TMEM43: variants seen among roughly 807,000 people sequenced by gnomAD.
TMEM43 encodes transmembrane protein 43, also known as arrhythmogenic right ventricular dysplasia 5.
In TMEM43, 45 loss-of-function variants were observed where a neutral mutation model predicts 49.6. The ratio of observed to expected loss-of-function variants is 0.91; its 90% CI spans 0.71 to 1.16. The LOEUF (loss-of-function observed/expected upper bound fraction) is 1.16. Ranked by LOEUF, TMEM43 falls within the 50% of genes most tolerant of loss-of-function variation. The pLI, the probability that TMEM43 is intolerant of heterozygous loss-of-function variation, is 0.00. For synonymous variants in TMEM43, 199 were observed against 207.8 expected (o/e 0.96, Z 0.36); for missense variants, 532 against 516.6 (o/e 1.03, Z -0.29).
intron 11 of TMEM43, among the ~76,000 whole-genome samples, chr3:14,141,236 T>TTGTA (rs928790426): frequency 2.0e-5 from 3 of 152,336 alleles, no homozygotes. Flanking sequence ...CCACAGCCTC[T>TTGTA]TGTATGAGTG....
At chr3:14,134,986 C>G in intron 8 of TMEM43, 95 bp downstream of exon 8, 1 of 1,583,740 alleles carries the variant, frequency 6.3e-7, no homozygotes. Flanking sequence ...GCATGCACAG[C>G]TGCACTTGGC....
At chr3:14,137,051 G>A in intron 10 of TMEM43, 1 of 149,856 alleles carries the variant, frequency 6.7e-6, no homozygotes, top group Non-Finnish European at 1.5e-5. Flanking sequence ...AAGGGTCAAG[G>A]CAGCAGACAG....
intron 1 of TMEM43, among the ~76,000 whole-genome samples, chr3:14,127,859 A>G (rs1695039577): frequency 6.6e-6 from 1 of 152,172 alleles, no homozygotes; most frequent in Admixed American, 6.5e-5. Context: ...AGAGATTCTG[A>G]GTCAAATCAC....
intron 11 of TMEM43, 103 bp from the exon 12 acceptor site, chr3:14,141,490 C>G: frequency 9.0e-7 from 1 of 1,105,820 alleles, no homozygotes; most frequent in South Asian, 1.3e-5. Flanking sequence ...CCTCCTCATG[C>G]ATGTAGCAAC....
chr3:14,130,691 T>C, intron 2 of TMEM43, 131 bp from the exon 3 acceptor site: 1 of 1,243,626 alleles, frequency 8.0e-7, no homozygotes, highest in Non-Finnish European at 1.1e-6. Context: ...ACCTCAGTTT[T>C]CCAACTGTAC....
At chr3:14,128,237 A>G (rs913903024) in intron 1 of TMEM43, among the ~76,000 whole-genome samples, 8 of 152,052 alleles carry the variant, frequency 5.3e-5, no homozygotes, top group Non-Finnish European at 1.2e-4. Flanking sequence ...CAGTGGATGC[A>G]CCCCAAATCA....
At chr3:14,125,310 G>A (rs951731652) in intron 1 of TMEM43, 105 bp downstream of exon 1, 44 of 1,404,520 alleles carry the variant, frequency 3.1e-5, no homozygotes, top group Middle Eastern at 2.3e-4. Context: ...GCTCCTCCGT[G>A]CGGCTAGGCC....
chr3:14,134,751 A>T lies in TMEM43; in HGVS notation c.584-19A>T, dbSNP rs1245105834. The T allele has an allele frequency of 6.2e-7, 1 of 1,613,808 alleles. No individual in the cohort carries two copies. The highest frequency in any genetic ancestry group is 8.5e-7 in the Non-Finnish European group (1 of 1,179,898). On this transcript the variant is annotated intron_variant, in intron 7 of 11. Coordinates refer to ENST00000306077, the MANE Select transcript of TMEM43 (RefSeq NM_024334.3). ...TTTCACCTGGTCCCCTGGGTTTCTAACCACTCTGGTCCCCTCAGGCCTCAT... is the reference window on the plus strand; with the variant it reads ...TTTCACCTGGTCCCCTGGGTTTCTATCCACTCTGGTCCCCTCAGGCCTCAT...
rs1695281529 is a variant in TMEM43 at position 14,143,458 on chromosome 3, A to G, written c.*1663A>G. Reference sequence around the variant, plus strand: ...AATTTCATCAAATCTCCAAACTCTTAAAGGATGCTTTCGGAAAACACGCTG... The same window carrying G: ...AATTTCATCAAATCTCCAAACTCTTGAAGGATGCTTTCGGAAAACACGCTG... On this transcript the variant is annotated 3_prime_UTR_variant, in exon 12 of 12. Coordinates refer to ENST00000306077, the MANE Select transcript of TMEM43 (RefSeq NM_024334.3). 6.6e-6 allele frequency: 1 copy of G among 152,222 alleles called. No homozygotes were observed. Among genetic ancestry groups the G allele is most frequent in the Non-Finnish European group, 1.5e-5 (1 of 68,036 alleles). 9.4% of individuals were successfully genotyped at this position (152,222 alleles called of 1,614,324 possible).
chr3:14,126,713 G>A (rs1695026112), intron 1 of TMEM43, among the ~76,000 whole-genome samples: 1 of 152,214 alleles, frequency 6.6e-6, no homozygotes, highest in Non-Finnish European at 1.5e-5. Context: ...ATTGAGACCT[G>A]ACCCCTCACC....
Position 14,139,153 on chromosome 3 carries a change from C to T in TMEM43, c.883-27C>T, listed in dbSNP as rs766201272. On this transcript the variant is annotated intron_variant, in intron 10 of 11. Transcript: ENST00000306077. ...GGGTACGCCACTGGCCCTCAGCATC[C>T]TGACCTGCCCCCACCTTGTCCTGCA... is the stretch of plus-strand genomic sequence containing the variant. The T allele has an allele frequency of 6.4e-6, 10 of 1,567,736 alleles. 1 individual carries two copies. In the East Asian group the frequency reaches 1.3e-4, roughly 21 times the overall value.
intron 5 of TMEM43, 37 bp from the exon 6 acceptor site, chr3:14,132,829 C>A: frequency 6.2e-7 from 1 of 1,605,918 alleles, no homozygotes; most frequent in South Asian, 1.1e-5. Flanking sequence ...CGTGCCACTC[C>A]TACCCGGGCT....
intron 1 of TMEM43, chr3:14,128,783 T>C: frequency 3.4e-6 from 1 of 292,948 alleles, no homozygotes; most frequent in Non-Finnish European, 6.8e-6. Context: ...GGTATATTCC[T>C]ACGGGAAATG....
intron 10 of TMEM43, among the ~76,000 whole-genome samples, chr3:14,136,842 G>C (rs1448291760): frequency 6.7e-6 from 1 of 148,946 alleles, no homozygotes; most frequent in Non-Finnish European, 1.5e-5. Flanking sequence ...CCAAGGAGAA[G>C]GGGTGCCAAG....
At chr3:14,134,731 C>T (rs994311095) in intron 7 of TMEM43, 39 bp from the exon 8 acceptor site, 17 of 1,613,594 alleles carry the variant, frequency 1.1e-5, no homozygotes, top group African/African-American at 4.0e-5. Context: ...GAGGTTTTCA[C>T]CTGGTCCCCT....
chr3:14,139,056 C>T (rs1016694020), intron 10 of TMEM43, 124 bp from the exon 11 acceptor site: 15 of 770,688 alleles, frequency 1.9e-5, no homozygotes, highest in Admixed American at 5.3e-5. Flanking sequence ...GCCCCCACTC[C>T]GTCTGGCCTG....
At position 14,135,171 on chromosome 3, in the gene TMEM43, G is replaced by GT. The variant is rs760973361; in HGVS notation, c.720dup (p.Val241CysfsTer12). The GT allele has an allele frequency of 1.9e-6, 3 of 1,612,224 alleles. No homozygotes were observed. The highest frequency in any genetic ancestry group is 2.2e-5 in the South Asian group (2 of 91,086). On this transcript the variant is annotated frameshift_variant, in exon 9 of 12. Transcript: ENST00000306077. LOFTEE classifies it high-confidence loss of function. ...TTCCACCCCCAGGTGGGAGACTTGC[G>GT]TGTCTCCTTTTCCTATGCTGGACTG...
chr3:14,131,703 G>A, intron 4 of TMEM43, 29 bp downstream of exon 4: 1 of 1,534,802 alleles, frequency 6.5e-7, no homozygotes, highest in Non-Finnish European at 9.0e-7. Context: ...AACTCTGTTG[G>A]GGTAAAGGAG....
rs754747623 is a variant in TMEM43, at chr3:14,125,192, C to T, written c.-2C>T. The T allele has an allele frequency of 3.5e-5, 56 of 1,610,438 alleles. No homozygotes were observed. The highest frequency in any genetic ancestry group is 4.2e-5 in the Non-Finnish European group (50 of 1,179,334). On this transcript the variant is annotated 5_prime_UTR_variant, in exon 1 of 12. Transcript: ENST00000306077. ...GGCGGCGGCAGCGAGCCGGGTCCCA[C>T]CATGGCCGCGAATGTGAGTATCCCC...
Sources: allele counts gnomAD v4.1 joint callset (sites outside exome capture counted in the v4.1 genomes callset), GRCh38; gene constraint gnomAD v4.1.1; transcripts MANE v1.5; gene names NCBI Gene and HGNC (gene_info 2026-07-23, HGNC 2026-07-21).